GCH1: variants seen among roughly 807,000 people sequenced by gnomAD.
The protein encoded by GCH1 is GTP cyclohydrolase 1, also known as GTP cyclohydrolase I.
GCH1 carries 5 observed loss-of-function variants against 25.9 expected under a neutral mutation model. The ratio of observed to expected loss-of-function variants is 0.19; its 90% CI spans 0.10 to 0.41. The LOEUF (loss-of-function observed/expected upper bound fraction) is 0.41, where lower values mean the gene tolerates loss of function less well. Ranked by LOEUF, GCH1 falls within the 10% of genes least tolerant of loss-of-function variation. The probability of loss-of-function intolerance (pLI) is 1.00; values close to 1 mark genes in which losing one functional copy is unlikely to be tolerated. For synonymous variants in GCH1, 159 were observed against 129.6 expected (o/e 1.23, Z -1.54); for missense variants, 261 against 336.5 (o/e 0.78, Z 1.75).
intron 3 of GCH1, among the ~76,000 whole-genome samples, chr14:54,856,930 C>A (rs2039821279): frequency 6.6e-6 from 1 of 152,184 alleles, no homozygotes; most frequent in African/African-American, 2.4e-5. Context: ...TTTGACTTCA[C>A]TGGCACTGAA....
At chr14:54,870,472 T>G (rs2040055246) in intron 1 of GCH1, among the ~76,000 whole-genome samples, 2 of 152,070 alleles carry the variant, frequency 1.3e-5, no homozygotes, top group South Asian at 4.2e-4. Context: ...GGTATCGGGT[T>G]CATCTCACTG....
In GCH1 at chr14:54,885,327, C is replaced by A. The variant is rs895606467; in HGVS notation, c.343+16994G>T. ...GTGATTTGTACCTCTTTTCAGTGAA[C>A]CAGTCAAGATCCACATTGCTCTGGG... is the stretch of plus-strand genomic sequence containing the variant. On this transcript the variant is annotated intron_variant, in intron 1 of 5. Coordinates refer to ENST00000491895, the MANE Select transcript of GCH1 (RefSeq NM_000161.3). The A allele has an allele frequency of 1.9e-4, 45 of 242,734 alleles. 1 individual carries two copies. Among genetic ancestry groups the A allele is most frequent in the African/African-American group, 9.9e-4 (43 of 43,654 alleles). 15.0% of individuals were successfully genotyped at this position (242,734 alleles called of 1,614,324 possible).
intron 1 of GCH1, among the ~76,000 whole-genome samples, chr14:54,880,482 TC>T (rs1308159471): frequency 1.9e-5 from 2 of 104,310 alleles, no homozygotes; most frequent in Non-Finnish European, 3.6e-5. Context: ...ATATATACAC[TC>T]CATATATATA....
chr14:54,848,450 C>T (rs1024106553), intron 3 of GCH1, among the ~76,000 whole-genome samples: 6 of 152,148 alleles, frequency 3.9e-5, no homozygotes, highest in African/African-American at 1.4e-4. Flanking sequence ...TTTCCCCTTT[C>T]AACATCTTTC....
At chr14:54,855,881 A>C (rs2140057569) in intron 3 of GCH1, among the ~76,000 whole-genome samples, 1 of 152,336 alleles carries the variant, frequency 6.6e-6, no homozygotes, top group South Asian at 2.1e-4. Flanking sequence ...ATATGATCTT[A>C]TGTTTGTGCT....
At chr14:54,893,673 TTCC>T (rs1399234983) in intron 1 of GCH1, among the ~76,000 whole-genome samples, 1 of 152,206 alleles carries the variant, frequency 6.6e-6, no homozygotes, top group Non-Finnish European at 1.5e-5. Context: ...GTGCCCCAAT[TTCC>T]TTATGTATAA....
chr14:54,878,156 G>T (rs959825864), intron 1 of GCH1: 1 of 154,710 alleles, frequency 6.5e-6, no homozygotes, highest in African/African-American at 2.4e-5. Flanking sequence ...TTCCTCAAAA[G>T]GAAATTTCTG....
chr14:54,893,010 C>T (rs1566682877), intron 1 of GCH1, among the ~76,000 whole-genome samples: 1 of 152,146 alleles, frequency 6.6e-6, no homozygotes, highest in Non-Finnish European at 1.5e-5. Flanking sequence ...ACCTGGGCGG[C>T]AGAGGTTTCA....
chr14:54,873,765 G>A (rs1390372522), intron 1 of GCH1, among the ~76,000 whole-genome samples: 1 of 152,076 alleles, frequency 6.6e-6, no homozygotes, highest in Non-Finnish European at 1.5e-5. Context: ...TAAATTCCTG[G>A]ACACACACAC....
At chr14:54,882,914 G>T (rs946525279) in intron 1 of GCH1, among the ~76,000 whole-genome samples, 4 of 152,164 alleles carry the variant, frequency 2.6e-5, no homozygotes, top group African/African-American at 7.2e-5. Flanking sequence ...CCAATCAACA[G>T]GGAGTTTTGG....
chr14:54,863,091 T>C (rs2039929974), intron 2 of GCH1, among the ~76,000 whole-genome samples: 1 of 152,126 alleles, frequency 6.6e-6, no homozygotes, highest in Admixed American at 6.5e-5. Context: ...AGAATTATTG[T>C]TAATTTTGTG....
intron 1 of GCH1, among the ~76,000 whole-genome samples, chr14:54,876,556 G>A (rs969682400): frequency 2.0e-5 from 3 of 152,002 alleles, no homozygotes; most frequent in Non-Finnish European, 4.4e-5. Context: ...CTATTCAGGC[G>A]GCTGAAGCAG....
chr14:54,847,368 A>C (rs1210263862), intron 3 of GCH1, among the ~76,000 whole-genome samples: 6 of 152,182 alleles, frequency 3.9e-5, no homozygotes, highest in African/African-American at 1.2e-4. Flanking sequence ...GTGTTGCCAA[A>C]GGAGATTAAC....
chr14:54,862,613 G>GT (rs35880039), intron 2 of GCH1, among the ~76,000 whole-genome samples: 26,874 of 105,844 alleles, frequency 0.25, 3,885 homozygotes, highest in South Asian at 0.41. Context: ...TTTTTGGTTG[G>GT]TTTTTTTTTT....
At position 54,842,096 on chromosome 14, in the gene GCH1, T is replaced by C. The variant is rs1198617278; in HGVS notation, c.*1921A>G. On this transcript the variant is annotated 3_prime_UTR_variant, in exon 6 of 6. Coordinates refer to ENST00000491895, the MANE Select transcript of GCH1 (RefSeq NM_000161.3). ...TCATACATAAAATTAAACAATTTAA[T>C]TTTGAACAGTGTATTGAAATACATC... The C allele has an allele frequency of 1.3e-5, 2 of 152,226 alleles. No homozygotes were observed. The highest frequency in any genetic ancestry group is 4.8e-5 in the African/African-American group (2 of 41,458). 9.4% of individuals were successfully genotyped at this position (152,226 alleles called of 1,614,324 possible). A position where few individuals can be genotyped will look rare whatever the true frequency, so the allele number is the denominator to read the frequency against.
chr14:54,844,721 C>T (rs1345802711), intron 5 of GCH1, among the ~76,000 whole-genome samples: 1 of 152,214 alleles, frequency 6.6e-6, no homozygotes, highest in Non-Finnish European at 1.5e-5. Context: ...ACTTTGTCCA[C>T]ACAACAGCTG....
At chr14:54,853,820 T>C (rs1366447930) in intron 3 of GCH1, among the ~76,000 whole-genome samples, 2 of 152,144 alleles carry the variant, frequency 1.3e-5, no homozygotes, top group Non-Finnish European at 2.9e-5. Context: ...ACTTCACAGG[T>C]TTCTCTACGC....
intron 1 of GCH1, among the ~76,000 whole-genome samples, chr14:54,881,694 A>G (rs79272564): frequency 0.01 from 1,552 of 152,324 alleles, 44 homozygotes; most frequent in Admixed American, 0.055. Context: ...TATGCTCCAC[A>G]AACTTATTTC....
At chr14:54,848,960 A>C (rs1435984291) in intron 3 of GCH1, among the ~76,000 whole-genome samples, 1 of 152,224 alleles carries the variant, frequency 6.6e-6, no homozygotes, top group Non-Finnish European at 1.5e-5. Flanking sequence ...GATGCCATTG[A>C]TTTTAAAGTT....
Sources: gnomAD v4.1 joint callset for allele counts (sites outside exome capture counted in the v4.1 genomes callset) on GRCh38, gnomAD v4.1.1 for gene constraint, MANE v1.5 for transcripts, NCBI Gene and HGNC (gene_info 2026-07-23, HGNC 2026-07-21) for gene names.